Variants in TRAPPC6A observed in about 807,000 individuals in gnomAD.
TRAPPC6A encodes the protein TRAPP complex subunit 6A.
A neutral mutation model predicts 20.8 loss-of-function variants in TRAPPC6A; 25 were observed. The observed-to-expected ratio is 1.20, with a 90% CI of 0.88 to 1.68. The LOEUF (loss-of-function observed/expected upper bound fraction) is 1.68. Ranked by LOEUF, TRAPPC6A falls within the 40% of genes most tolerant of loss-of-function variation. TRAPPC6A has a pLI of 0.00. For synonymous variants in TRAPPC6A, 96 were observed against 93.3 expected (o/e 1.03, Z -0.16); for missense variants, 215 against 211.6 (o/e 1.02, Z -0.10).
intron 1 of TRAPPC6A, among the ~76,000 whole-genome samples, chr19:45,176,309 A>C (rs7260565): frequency 0.048 from 7,281 of 150,658 alleles, 570 homozygotes; most frequent in African/African-American, 0.17. Flanking sequence ...AAAAAAAAAA[A>C]CAAAATTAGC....
chr19:45,164,991 T>C (rs1969117081), intron 2 of TRAPPC6A, 21 bp from the exon 3 acceptor site: 1 of 1,613,086 alleles, frequency 6.2e-7, no homozygotes. Flanking sequence ...AGTACCAAGC[T>C]GAGGCCGTGG....
chr19:45,177,764 C>G (rs1969422176), intron 1 of TRAPPC6A, among the ~76,000 whole-genome samples: 1 of 152,130 alleles, frequency 6.6e-6, no homozygotes, highest in South Asian at 2.1e-4. Flanking sequence ...GGCTTAGGTA[C>G]GTTATGATAC....
At chr19:45,165,320 G>C (rs1969128667) in intron 1 of TRAPPC6A, 126 bp from the exon 2 acceptor site, 1 of 921,284 alleles carries the variant, frequency 1.1e-6, no homozygotes, top group Non-Finnish European at 1.7e-6. Context: ...GGGGTGAGCA[G>C]GGAGGGGCTC....
intron 1 of TRAPPC6A, among the ~76,000 whole-genome samples, chr19:45,171,927 C>T (rs1161703987): frequency 4.6e-5 from 7 of 152,208 alleles, no homozygotes; most frequent in African/African-American, 1.2e-4. Flanking sequence ...GTGACAGCGC[C>T]TTAGCTCTTT....
chr19:45,165,119 G>A lies in TRAPPC6A; in HGVS notation c.152+8C>T, dbSNP rs747452107. 64 of 1,612,148 alleles carry A rather than the reference G, an allele frequency of 4.0e-5. No individual in the cohort carries two copies. The highest frequency in any genetic ancestry group is 6.7e-5 in the Admixed American group (4 of 59,810). On this transcript the variant is annotated splice_region_variant and intron_variant, in intron 2 of 5. Transcript: ENST00000585934. ...AGGCTGGGGGAGAGCAGGAGGGGCCGCGCTCACCTCTCGCCTAGAGCCTGG... is the reference window on the plus strand; with the variant it reads ...AGGCTGGGGGAGAGCAGGAGGGGCCACGCTCACCTCTCGCCTAGAGCCTGG...
In TRAPPC6A at chr19:45,176,391, G is replaced by C. The variant is rs904443516; in HGVS notation, c.84+1744C>G. Among the ~76,000 whole-genome samples the C allele has an allele frequency of 3.9e-5, 6 of 152,208 alleles. No individual in the cohort carries two copies. The East Asian group carries it at 1.2e-3, about 29-fold the overall frequency. On this transcript the variant is annotated intron_variant, in intron 1 of 5. Transcript: ENST00000585934. Reference sequence around the variant, plus strand: ...CGGCGGGAGAATTGCGTGAACCCAGGAGGCGGAGCTTGCAGTGAGCCAAGA... The same window carrying C: ...CGGCGGGAGAATTGCGTGAACCCAGCAGGCGGAGCTTGCAGTGAGCCAAGA...
At chr19:45,176,754 C>T (rs746346484) in intron 1 of TRAPPC6A, among the ~76,000 whole-genome samples, 1 of 152,084 alleles carries the variant, frequency 6.6e-6, no homozygotes, top group Non-Finnish European at 1.5e-5. Context: ...TCTTACATGG[C>T]CAGGTGCGGT....
At chr19:45,175,820 G>C (rs191716887) in intron 1 of TRAPPC6A, among the ~76,000 whole-genome samples, 4 of 152,188 alleles carry the variant, frequency 2.6e-5, no homozygotes, top group East Asian at 3.9e-4. Context: ...GAAGGATATG[G>C]AGTGTTGGGA....
intron 1 of TRAPPC6A, among the ~76,000 whole-genome samples, chr19:45,170,527 C>T (rs1969247587): frequency 6.6e-6 from 1 of 152,200 alleles, no homozygotes; most frequent in Non-Finnish European, 1.5e-5. Flanking sequence ...CAGCAGGGTC[C>T]TTCAGCCAGG....
chr19:45,166,650 C>A lies in TRAPPC6A; in HGVS notation c.85-1456G>T, dbSNP rs554266844. Among the ~76,000 whole-genome samples the A allele has an allele frequency of 4.6e-5, 7 of 151,950 alleles. No homozygotes were observed. In the South Asian group the frequency reaches 1.5e-3, roughly 32 times the overall value. ...GTTTTTCAGAGAAAGCCTGGCAGAG[C>A]AGAAGTGGGGGAACAGAGGCGGCAG... On this transcript the variant is annotated intron_variant, in intron 1 of 5. Coordinates refer to ENST00000585934, the MANE Select transcript of TRAPPC6A (RefSeq NM_001270891.2).
intron 1 of TRAPPC6A, among the ~76,000 whole-genome samples, chr19:45,167,589 T>C (rs1873382242): frequency 6.6e-6 from 1 of 152,140 alleles, no homozygotes; most frequent in African/African-American, 2.4e-5. Context: ...TTCAAGTGAA[T>C]CTCCTGCCTC....
In TRAPPC6A at chr19:45,162,940, C is replaced by T; in HGVS notation, c.*252G>A. On this transcript the variant is annotated 3_prime_UTR_variant, in exon 6 of 6. Coordinates refer to ENST00000585934, the MANE Select transcript of TRAPPC6A (RefSeq NM_001270891.2). The stretch of plus-strand genomic sequence containing the variant: ...CCACTGCTCTGAGTCAGATTCCACA[C>T]ACACAGCCTTTATTGAGCAGCTACT... 2.5e-6 allele frequency: 1 copy of T among 393,588 alleles called. No homozygotes were observed. The highest frequency in any genetic ancestry group is 4.5e-6 in the Non-Finnish European group (1 of 220,840). 24.4% of individuals were successfully genotyped at this position (393,588 alleles called of 1,614,324 possible).
chr19:45,165,684 T>C (rs1242714763), intron 1 of TRAPPC6A, among the ~76,000 whole-genome samples: 1 of 152,102 alleles, frequency 6.6e-6, no homozygotes, highest in Non-Finnish European at 1.5e-5. Flanking sequence ...CCTTATAATA[T>C]TGGCCAAGAT....
rs1410726807 is a variant in TRAPPC6A, at chr19:45,173,421, C to T, written c.84+4714G>A. ...GACAGAGATGAAGGAGCCACCATCC[C>T]TGTCCTCAAGGAGCTCTGAAGCTGG... On this transcript the variant is annotated intron_variant, in intron 1 of 5. Coordinates refer to ENST00000585934, the MANE Select transcript of TRAPPC6A (RefSeq NM_001270891.2). This position sits in a 1 kb window ranked among gnomAD's most constrained non-coding sequence, Gnocchi z 4.8. 6.6e-6 allele frequency among the ~76,000 whole-genome samples: 1 copy of T among 152,152 alleles called. No individual in the cohort carries two copies. Among genetic ancestry groups the T allele is most frequent in the East Asian group, 1.9e-4 (1 of 5,188 alleles).
At chr19:45,177,955 T>C in intron 1 of TRAPPC6A, 180 bp downstream of exon 1, 1 of 1,185,292 alleles carries the variant, frequency 8.4e-7, no homozygotes, top group Non-Finnish European at 1.2e-6. Flanking sequence ...AATTTAGCAA[T>C]AACCCCGAGC....
Position 45,162,989 on chromosome 19 carries a change from G to T in TRAPPC6A, c.*203C>A. 1 of 452,118 alleles carries T rather than the reference G, an allele frequency of 2.2e-6. No homozygotes were observed. The highest frequency in any genetic ancestry group is 3.9e-6 in the Non-Finnish European group (1 of 258,564). 28.0% of individuals were successfully genotyped at this position (452,118 alleles called of 1,614,324 possible). On this transcript the variant is annotated 3_prime_UTR_variant, in exon 6 of 6. Transcript: ENST00000585934. Reference sequence around the variant, plus strand: ...CTGGGCAGTGACGCTGCCGAGGCGGGAATCCCACCACAGTCCTGACCGCAG... The same window carrying T: ...CTGGGCAGTGACGCTGCCGAGGCGGTAATCCCACCACAGTCCTGACCGCAG...
rs200150713 is a variant in TRAPPC6A at position 45,164,254 on chromosome 19, GA to G, written c.271-8del. ...CTTGCAGGACGTAGGTCCCCTGGGGGAGAGGAGAGGCTGGTGGGTGGGGTCG... is the reference window on the plus strand; with the variant it reads ...CTTGCAGGACGTAGGTCCCCTGGGGGGAGGAGAGGCTGGTGGGTGGGGTCG... On this transcript the variant is annotated splice_region_variant and splice_polypyrimidine_tract_variant and intron_variant, in intron 3 of 5. Transcript: ENST00000585934. 1,732 of 1,591,620 alleles carry G rather than the reference GA, an allele frequency of 1.1e-3. 15 individuals are homozygous for G. In the African/African-American group the frequency reaches 0.02, roughly 18 times the overall value.
At chr19:45,169,292 A>G (rs1969222155) in intron 1 of TRAPPC6A, among the ~76,000 whole-genome samples, 1 of 152,206 alleles carries the variant, frequency 6.6e-6, no homozygotes. Flanking sequence ...CATGTAAAAA[A>G]GAGGGTCATT....
chr19:45,168,038 T>C (rs1417123092), intron 1 of TRAPPC6A, among the ~76,000 whole-genome samples: 3 of 134,244 alleles, frequency 2.2e-5, no homozygotes, highest in African/African-American at 8.4e-5. Flanking sequence ...AGTCTCGCCC[T>C]GTCGCCCAGG....
Sources: allele counts gnomAD v4.1 joint callset (sites outside exome capture counted in the v4.1 genomes callset), GRCh38; gene constraint gnomAD v4.1.1; non-coding constraint Gnocchi (gnomAD v3.1); transcripts MANE v1.5; gene names NCBI Gene and HGNC (gene_info 2026-07-23, HGNC 2026-07-21).